The following NEMF variants were observed in gnomAD, a reference collection of about 807,000 sequenced individuals.
NEMF encodes the protein ribosome quality control complex subunit NEMF.
NEMF carries 89 observed loss-of-function variants against 162.2 expected under a neutral mutation model. That is an observed-to-expected ratio of 0.55 (90% confidence interval 0.46 to 0.65). NEMF has a LOEUF of 0.65. Among genes scored for constraint, NEMF ranks in the 30% least tolerant of loss-of-function variants. The pLI is 0.00. For synonymous variants in NEMF, 421 were observed against 404.5 expected, an observed-to-expected ratio of 1.04 and a Z score of -0.49; for missense variants, 1,133 against 1,261.9, an observed-to-expected ratio of 0.90 and a Z score of 1.55.
chr14:49,802,809 A>G, intron 20 of NEMF, 82 bp from the exon 21 acceptor site: 1 of 941,634 alleles, frequency 1.1e-6, no homozygotes, highest in Non-Finnish European at 1.7e-6. Context: ...AATTAGTGTC[A>G]GATGACACTA....
chr14:49,804,308 A>G (rs188077352), intron 19 of NEMF, among the ~76,000 whole-genome samples: 4 of 152,224 alleles, frequency 2.6e-5, no homozygotes, highest in Non-Finnish European at 4.4e-5. Context: ...ACCTTTGTCT[A>G]TATGAAATAG....
rs533870499 is a variant in NEMF, at chr14:49,852,690, T to G, written c.59+5A>C. On this transcript the variant is annotated splice_donor_5th_base_variant and intron_variant, in intron 1 of 32. Transcript: ENST00000298310. The stretch of plus-strand genomic sequence containing the variant: ...ACACGAGCCTCGTCACTTAGGGTAC[T>G]GTACCTAGCATTCAGCTCCGCGAGT... The G allele has an allele frequency of 2.5e-6, 4 of 1,614,270 alleles. No individual in the cohort carries two copies. In the South Asian group the frequency reaches 3.3e-5, roughly 13 times the overall value.
chr14:49,822,989 T>C (rs1269024739), intron 16 of NEMF, among the ~76,000 whole-genome samples: 11 of 148,812 alleles, frequency 7.4e-5, no homozygotes, highest in Non-Finnish European at 5.9e-5. Flanking sequence ...CAGGCTGGAG[T>C]GCAGTGGCAC....
intron 13 of NEMF, 121 bp from the exon 14 acceptor site, chr14:49,828,928 T>A: frequency 7.8e-7 from 1 of 1,275,764 alleles, no homozygotes; most frequent in Non-Finnish European, 1.1e-6. Context: ...TTTATTTTAA[T>A]CTAAATTAGT....
chr14:49,791,541 A>G (rs1890449744), intron 26 of NEMF, among the ~76,000 whole-genome samples: 1 of 152,018 alleles, frequency 6.6e-6, no homozygotes, highest in Admixed American at 6.6e-5. Flanking sequence ...GATCGAGACC[A>G]TCCTGACCAA....
At chr14:49,819,795 C>T (rs571115884) in intron 16 of NEMF, among the ~76,000 whole-genome samples, 6 of 152,110 alleles carry the variant, frequency 3.9e-5, no homozygotes, top group Admixed American at 2.6e-4. Flanking sequence ...ATTGCATGTA[C>T]CCAAAATCTG....
intron 15 of NEMF, among the ~76,000 whole-genome samples, chr14:49,826,964 G>C (rs1194454642): frequency 6.6e-6 from 1 of 152,112 alleles, no homozygotes; most frequent in Non-Finnish European, 1.5e-5. Context: ...CAGGTAGAGA[G>C]AACAGCAAGG....
intron 18 of NEMF, among the ~76,000 whole-genome samples, chr14:49,807,057 C>T (rs1224152129): frequency 6.6e-6 from 1 of 152,164 alleles, no homozygotes; most frequent in Non-Finnish European, 1.5e-5. Context: ...CTCCTCTGTA[C>T]CCAGCCCCTG....
At chr14:49,838,778 G>T (rs1005457152) in intron 5 of NEMF, among the ~76,000 whole-genome samples, 1 of 151,968 alleles carries the variant, frequency 6.6e-6, no homozygotes, top group Non-Finnish European at 1.5e-5. Context: ...TAGAGACGGG[G>T]TTTCACCGTG....
chr14:49,820,464 T>C (rs1566680382), intron 16 of NEMF: 1 of 456,690 alleles, frequency 2.2e-6, no homozygotes. Flanking sequence ...ATTCTGAAAG[T>C]ATTGTATCAA....
intron 7 of NEMF, chr14:49,834,120 T>C (rs1223296682): frequency 1.7e-6 from 1 of 581,330 alleles, no homozygotes; most frequent in Admixed American, 2.3e-5. Flanking sequence ...GATGGGGGTC[T>C]CACTCTGTTG....
At chr14:49,838,435 C>T (rs2124675) in intron 5 of NEMF, among the ~76,000 whole-genome samples, 118,340 of 152,050 alleles carry the variant, frequency 0.78, 46,455 homozygotes, top group East Asian at 0.98. Flanking sequence ...TTTTTTCGAC[C>T]AAGGCATATT....
At chr14:49,791,781 G>T (rs888809758) in intron 26 of NEMF, among the ~76,000 whole-genome samples, 1 of 148,950 alleles carries the variant, frequency 6.7e-6, no homozygotes, top group Admixed American at 6.7e-5. Flanking sequence ...AAAGATTTGT[G>T]CATTTTACTA....
At chr14:49,842,980 T>G (rs977289705) in intron 4 of NEMF, among the ~76,000 whole-genome samples, 2 of 151,832 alleles carry the variant, frequency 1.3e-5, no homozygotes, top group Non-Finnish European at 2.9e-5. Flanking sequence ...CACTCCAGCC[T>G]GGCGACAGGG....
At position 49,785,284 on chromosome 14, in the gene NEMF, G is replaced by A. The variant is rs771825020; in HGVS notation, c.2965C>T (p.Pro989Ser). ...ATGGCAAACAGTAGTACATCTTCAG[G>A]ATGTGGCTGGCCTGTCAAAGAATCA... is the stretch of plus-strand genomic sequence containing the variant. ...LFDSLTGQPH[P>S]EDVLLFAIPI... Residue 989 changes from proline (P) to serine (S), a missense_variant, in exon 30 of 33, where the codon CCT (proline) becomes TCT (serine). Physicochemically the swap from Pro to Ser is moderately conservative, Grantham distance 74. This residue lies in a region of NEMF where 532 missense variants were observed against 578.6 expected (regional missense o/e 0.92). Coordinates refer to ENST00000298310, the MANE Select transcript of NEMF (RefSeq NM_004713.6). 2 of 1,613,956 alleles carry A rather than the reference G, an allele frequency of 1.2e-6. No homozygotes were observed. The highest frequency in any genetic ancestry group is 2.2e-5 in the South Asian group (2 of 91,078).
chr14:49,848,430 T>C (rs563347732), intron 3 of NEMF, among the ~76,000 whole-genome samples: 8 of 152,320 alleles, frequency 5.3e-5, no homozygotes, highest in South Asian at 4.1e-4. Flanking sequence ...AAGTATGACA[T>C]GGACTGGTAA....
intron 16 of NEMF, among the ~76,000 whole-genome samples, chr14:49,819,604 G>A (rs1425535470): frequency 6.6e-6 from 1 of 152,016 alleles, no homozygotes; most frequent in Non-Finnish European, 1.5e-5. Flanking sequence ...TGTAGAGACG[G>A]GGTTTCGCCA....
At position 49,832,337 on chromosome 14, in the gene NEMF, T is replaced by C. The variant is rs1019089077; in HGVS notation, c.736-60A>G. ...ATAATTAACAAAGATTTACTTCTTT[T>C]TTTTTTTTTTGATACAGTCGCGCTC... On this transcript the variant is annotated intron_variant, in intron 8 of 32. Transcript: ENST00000298310. 436 of 1,186,156 alleles carry C rather than the reference T, an allele frequency of 3.7e-4. 2 individuals are homozygous for C. Among genetic ancestry groups the C allele is most frequent in the Non-Finnish European group, 5.1e-4 (417 of 824,684 alleles). 73.5% of individuals were successfully genotyped at this position (1,186,156 alleles called of 1,614,324 possible).
intron 3 of NEMF, among the ~76,000 whole-genome samples, chr14:49,848,351 CCAAATA>C (rs1893611927): frequency 6.6e-6 from 1 of 152,090 alleles, no homozygotes; most frequent in Non-Finnish European, 1.5e-5. Flanking sequence ...TATATCAAAT[CCAAATA>C]CAATTTACTT....
Sources: gnomAD v4.1 joint callset for allele counts (sites outside exome capture counted in the v4.1 genomes callset) on GRCh38, gnomAD v4.1.1 for gene constraint, gnomAD v4.1.1 regional missense constraint, MANE v1.5 for transcripts, NCBI Gene and HGNC (gene_info 2026-07-23, HGNC 2026-07-21) for gene names.